ZNF496: variants seen among roughly 807,000 people sequenced by gnomAD.
ZNF496 encodes zinc finger protein 496, also known as NSD1 (nuclear receptor binding SET-domain containing 1)-interacting zinc finger protein 1.
Under a neutral mutation model 58.9 loss-of-function variants are expected in ZNF496, and 11 were observed. The observed-to-expected ratio is 0.19, with a 90% CI of 0.12 to 0.31. The LOEUF (loss-of-function observed/expected upper bound fraction) is 0.31. Among genes scored for constraint, ZNF496 ranks in the 10% least tolerant of loss-of-function variants. The probability of loss-of-function intolerance (pLI) is 1.00; values close to 1 mark genes in which losing one functional copy is unlikely to be tolerated. For synonymous variants in ZNF496, 338 were observed against 318.2 expected, an observed-to-expected ratio of 1.06 and a Z score of -0.66; for missense variants, 660 against 783.0, an observed-to-expected ratio of 0.84 and a Z score of 1.88.
intron 9 of ZNF496, among the ~76,000 whole-genome samples, chr1:247,304,860 C>T (rs993754775): frequency 4.6e-5 from 5 of 109,100 alleles, no homozygotes; most frequent in African/African-American, 1.1e-4. Flanking sequence ...TACTTCAAGT[C>T]TAACCCATAC....
rs777888227 is a variant in ZNF496, at chr1:247,301,177, G to T, written c.1106C>A (p.Pro369Gln). The part of the protein sequence containing the change: ...SSGDEDSQHG[P>Q]YCTEELGSPT... ...GCTCCCCAGCTCTTCTGTGCAGTAC[G>T]GGCCATGCTGGGAGTCCTCGTCCCC... Residue 369 changes from proline to glutamine, a missense_variant, in exon 10 of 10, where the codon CCG (proline) becomes CAG (glutamine). Physicochemically the swap from Pro to Gln is moderately conservative, Grantham distance 76 (BLOSUM62 -1). Coordinates refer to ENST00000682384, the MANE Select transcript of ZNF496 (RefSeq NM_032752.3). 2 of 1,595,460 alleles carry T rather than the reference G, an allele frequency of 1.3e-6. No homozygotes were observed. The highest frequency in any genetic ancestry group is 1.8e-5 in the Admixed American group (1 of 57,142).
chr1:247,313,763 A>G (rs1447454314), intron 6 of ZNF496: 1 of 152,246 alleles, frequency 6.6e-6, no homozygotes, highest in Non-Finnish European at 1.5e-5. Flanking sequence ...TCAAGAAGAC[A>G]GCGGATTAAG....
At position 247,329,471 on chromosome 1, in the gene ZNF496, G is replaced by C. The variant is rs1205949005; in HGVS notation, c.108C>G (p.Pro36=). The C allele has an allele frequency of 1.9e-6, 3 of 1,609,486 alleles. No individual in the cohort carries two copies. Among genetic ancestry groups the C allele is most frequent in the Non-Finnish European group, 2.5e-6 (3 of 1,178,242 alleles). Reference sequence around the variant, plus strand: ...AGAGACGCCGAGAGGACTCGGGGCTGGGAAGCTCCCCCTGGGGGCTAGGGT... The same window carrying C: ...AGAGACGCCGAGAGGACTCGGGGCTCGGAAGCTCCCCCTGGGGGCTAGGGT... ...GENPSPQGEL[P]SPESSRRLFR... is the part of the protein sequence containing the mutation. The change falls in exon 4 of 10, where the codon CCC becomes CCG. Residue 36 remains proline (P), a synonymous_variant. Transcript: ENST00000682384. This position sits in a 1 kb window ranked among gnomAD's most constrained non-coding sequence, Gnocchi z 5.5.
intron 5 of ZNF496, among the ~76,000 whole-genome samples, chr1:247,328,357 G>A (rs1319706686): frequency 2.0e-5 from 3 of 152,104 alleles, no homozygotes; most frequent in Non-Finnish European, 2.9e-5. Context: ...CTGTACACTG[G>A]CAGTCCCCAG....
chr1:247,303,706 C>T (rs752266016), intron 9 of ZNF496, among the ~76,000 whole-genome samples: 6 of 152,098 alleles, frequency 3.9e-5, no homozygotes, highest in Non-Finnish European at 5.9e-5. Context: ...TAGTTTTTTG[C>T]CGCTTATAGT....
rs765302199 is a variant in ZNF496 at position 247,308,478 on chromosome 1, G to A, written c.1003C>T (p.Pro335Ser). The A allele has an allele frequency of 1.9e-6, 3 of 1,613,792 alleles. No homozygotes were observed. In the Admixed American group the frequency reaches 5.0e-5, roughly 27 times the overall value. ...TACCTCCCTGACCCTTCTTTACCTG[G>A]GTAGGTGTTTTGAGGCACCACCGTC... ...PQTVVPQNTYPAGGNPRSLEN... is the reference protein window; with the variant it reads ...PQTVVPQNTYSAGGNPRSLEN... Residue 335 changes from proline (P) to serine (S), a missense_variant, in exon 9 of 10, where the codon CCA becomes TCA. Transcript: ENST00000682384. This position sits in a 1 kb window ranked among gnomAD's most constrained non-coding sequence, Gnocchi z 4.5.
rs764098358 is a variant in ZNF496 at position 247,329,206 on chromosome 1, C to A, written c.373G>T (p.Gly125Trp). The change falls in exon 4 of 10, where the codon GGG becomes TGG. Residue 125 changes from glycine (G) to tryptophan (W), a missense_variant. By Grantham distance (184) the Gly-to-Trp change is radical. Coordinates refer to ENST00000682384, the MANE Select transcript of ZNF496 (RefSeq NM_032752.3). This position sits in a 1 kb window ranked among gnomAD's most constrained non-coding sequence, Gnocchi z 5.5. ...CTACTCACCCACTGCCAGGGTCTCC[C>A]GGGCTCCCGTTCCAGTGCCTCCACC... is the stretch of plus-strand genomic sequence containing the variant. ...AAVEALEREP[G>W]RPWQWLKHCE... 8.7e-6 allele frequency: 14 copies of A among 1,613,382 alleles called. No individual in the cohort carries two copies. The highest frequency in any genetic ancestry group is 1.1e-5 in the Non-Finnish European group (13 of 1,180,032).
intron 6 of ZNF496, among the ~76,000 whole-genome samples, chr1:247,321,192 C>T (rs961007624): frequency 7.9e-5 from 12 of 151,788 alleles, no homozygotes; most frequent in South Asian, 2.1e-4. Flanking sequence ...AAAAAAAACA[C>T]GGAAGGGAAT....
chr1:247,323,997 C>T (rs1046224455), intron 5 of ZNF496, among the ~76,000 whole-genome samples: 4 of 150,700 alleles, frequency 2.7e-5, no homozygotes, highest in African/African-American at 9.8e-5. Flanking sequence ...ATTGCTTGAG[C>T]CTGAGAGATG....
Position 247,329,297 on chromosome 1 carries a change from C to A in ZNF496, c.282G>T (p.Leu94=), listed in dbSNP as rs78354334. The change falls in exon 4 of 10, where the codon CTG becomes CTT. Residue 94 remains leucine (L), a synonymous_variant. Coordinates refer to ENST00000682384, the MANE Select transcript of ZNF496 (RefSeq NM_032752.3). This position sits in a 1 kb window ranked among gnomAD's most constrained non-coding sequence, Gnocchi z 5.5. The part of the protein sequence containing the change: ...LLVLEQFLAI[L]PREIQSWVRA... ...GCACCCAGCTCTGGATCTCCCGGGGCAGGATGGCCAGGAACTGCTCCAGCA... is the reference window on the plus strand; with the variant it reads ...GCACCCAGCTCTGGATCTCCCGGGGAAGGATGGCCAGGAACTGCTCCAGCA... The A allele has an allele frequency of 6.2e-7, 1 of 1,613,646 alleles. No individual in the cohort carries two copies. Among genetic ancestry groups the A allele is most frequent in the African/African-American group, 1.3e-5 (1 of 75,054 alleles).
chr1:247,302,559 G>A (rs927664910), intron 9 of ZNF496, among the ~76,000 whole-genome samples: 1 of 152,094 alleles, frequency 6.6e-6, no homozygotes. Context: ...CTGGGCTCAA[G>A]CGAGCCACCC....
chr1:247,305,220 A>T (rs1659371959), intron 9 of ZNF496, among the ~76,000 whole-genome samples: 1 of 152,204 alleles, frequency 6.6e-6, no homozygotes, highest in African/African-American at 2.4e-5. Flanking sequence ...GGTTGCAGTA[A>T]GCCAAGATCG....
intron 2 of ZNF496, among the ~76,000 whole-genome samples, chr1:247,330,354 C>T (rs1176283535): frequency 3.3e-5 from 5 of 152,210 alleles, no homozygotes; most frequent in South Asian, 2.1e-4. Context: ...CCTTCAACCT[C>T]GCCTCCACCC....
At chr1:247,310,522 C>G (rs1050589292) in intron 6 of ZNF496, 66 bp from the exon 7 acceptor site, 184 of 1,596,614 alleles carry the variant, frequency 1.2e-4, no homozygotes, top group Non-Finnish European at 1.5e-4. Flanking sequence ...TCTTAGTCCA[C>G]TGAGGCTGTG....
rs1659132824 is a variant in ZNF496, at chr1:247,297,962, TTCTTC to T, written c.*2552_*2556del. The T allele has an allele frequency of 6.6e-6, 1 of 152,198 alleles. No individual in the cohort carries two copies. The highest frequency in any genetic ancestry group is 1.5e-5 in the Non-Finnish European group (1 of 68,044). The allele number at this position is 152,198 out of a possible 1,614,324, so 9.4% of individuals were successfully genotyped here. On this transcript the variant is annotated 3_prime_UTR_variant, in exon 10 of 10. Coordinates refer to ENST00000682384, the MANE Select transcript of ZNF496 (RefSeq NM_032752.3). ...AAACACTCTGGTAAGTAGAACAGTG[TTCTTC>T]TCTTGAGTCAGACGTCTGAAGCAGG...
At position 247,297,418 on chromosome 1, in the gene ZNF496, AC is replaced by A. The variant is rs1157007258; in HGVS notation, c.*3100del. On this transcript the variant is annotated 3_prime_UTR_variant, in exon 10 of 10. Coordinates refer to ENST00000682384, the MANE Select transcript of ZNF496 (RefSeq NM_032752.3). ...AATGAAAAGCCTAACAGGAATATTG[AC>A]TCAGCAAGTTTTTATTATGCACCTG... 2 of 152,114 alleles carry A rather than the reference AC, an allele frequency of 1.3e-5. No homozygotes were observed. The highest frequency in any genetic ancestry group is 4.8e-5 in the African/African-American group (2 of 41,428). The allele number at this position is 152,114 out of a possible 1,614,324, so 9.4% of individuals were successfully genotyped here.
chr1:247,320,297 G>A lies in ZNF496; in HGVS notation c.651+2857C>T, dbSNP rs190457461. Among the ~76,000 whole-genome samples the A allele has an allele frequency of 1.7e-3, 257 of 152,298 alleles. 1 individual carries two copies. Among genetic ancestry groups the A allele is most frequent in the Middle Eastern group, 3.4e-3 (1 of 294 alleles). ...ATGTGATGGAATACTACTCAGCAACGAAAAGCAATGGAATAGTAACACGCA... is the reference window on the plus strand; with the variant it reads ...ATGTGATGGAATACTACTCAGCAACAAAAAGCAATGGAATAGTAACACGCA... On this transcript the variant is annotated intron_variant, in intron 6 of 9. Transcript: ENST00000682384.
intron 5 of ZNF496, among the ~76,000 whole-genome samples, chr1:247,327,799 T>C (rs1346135310): frequency 2.7e-5 from 2 of 73,256 alleles, no homozygotes; most frequent in African/African-American, 4.9e-5. Context: ...CCACCCAGAG[T>C]CATAAGAAAG....
chr1:247,306,795 C>T (rs917795619), intron 9 of ZNF496, among the ~76,000 whole-genome samples: 1 of 152,140 alleles, frequency 6.6e-6, no homozygotes, highest in African/African-American at 2.4e-5. Context: ...ACCACTGCGC[C>T]CAGCCTGAGT....
Sources: gnomAD v4.1 joint callset for allele counts (sites outside exome capture counted in the v4.1 genomes callset) on GRCh38, gnomAD v4.1.1 for gene constraint, Gnocchi (gnomAD v3.1) non-coding constraint, MANE v1.5 for transcripts, NCBI Gene and HGNC (gene_info 2026-07-23, HGNC 2026-07-21) for gene names.